CNTNAP3: variants seen among roughly 807,000 people sequenced by gnomAD.
The protein encoded by CNTNAP3 is contactin associated protein family member 3.
In CNTNAP3, 36 loss-of-function variants were observed where a neutral mutation model predicts 92.1. The ratio of observed to expected loss-of-function variants is 0.39; its 90% CI spans 0.30 to 0.52. CNTNAP3 has a LOEUF of 0.52. Among genes scored for constraint, CNTNAP3 ranks in the 20% least tolerant of loss-of-function variants. The pLI is 0.76. For missense variants in CNTNAP3, 534 were observed against 1,069.6 expected, an observed-to-expected ratio of 0.50 and a Z score of 6.98; for synonymous variants, 232 against 422.3, an observed-to-expected ratio of 0.55 and a Z score of 5.53.
rs757220529 is a variant in CNTNAP3 at position 39,109,213 on chromosome 9, C to T, written c.2312G>A (p.Arg771Gln). 19 of 1,612,810 alleles carry T rather than the reference C, an allele frequency of 1.2e-5. No homozygotes were observed. Among genetic ancestry groups the T allele is most frequent in the South Asian group, 7.7e-5 (7 of 91,012 alleles). Residue 771 changes from arginine to glutamine, a missense_variant, in exon 15 of 24, where the codon CGA becomes CAA. Arg to Gln is a conservative substitution (Grantham distance 43). Transcript: ENST00000297668. ...VTQIVMTDAG[R>Q]PHSEAAYTLG... ...TGTATAAGCTGCTTCGGAATGTGGT[C>T]GGCCTGCGTCTGTCATCACAATCTG...
At chr9:39,127,797 G>A (rs946671895) in intron 13 of CNTNAP3, among the ~76,000 whole-genome samples, 3 of 151,696 alleles carry the variant, frequency 2.0e-5, no homozygotes, top group Non-Finnish European at 4.4e-5. Flanking sequence ...AAATCTCTTG[G>A]CCCAGATGGT....
chr9:39,248,580 T>A (rs151208006), intron 2 of CNTNAP3, among the ~76,000 whole-genome samples: 28,087 of 32,396 alleles, frequency 0.87, 12,885 homozygotes, highest in East Asian at 0.99. Context: ...TTGCATTTAC[T>A]TTTTTTTTTT....
At chr9:39,106,443 C>G (rs940083037) in intron 15 of CNTNAP3, 4 of 152,070 alleles carry the variant, frequency 2.6e-5, no homozygotes, top group African/African-American at 9.7e-5. Flanking sequence ...GGCCACCATG[C>G]CCAGCTAATT....
At chr9:39,088,785 T>C (rs1826126349) in intron 18 of CNTNAP3, 138 bp from the exon 19 acceptor site, 1 of 943,960 alleles carries the variant, frequency 1.1e-6, no homozygotes, top group South Asian at 1.6e-5. Context: ...CCTGTTTTTT[T>C]ATTTTTCACT....
At chr9:39,112,354 G>T (rs1045632205) in intron 14 of CNTNAP3, among the ~76,000 whole-genome samples, 1 of 151,830 alleles carries the variant, frequency 6.6e-6, no homozygotes, top group African/African-American at 2.4e-5. Context: ...GAAATGTTAA[G>T]TCAACTTTTT....
At chr9:39,112,852 CACTTT>C in intron 14 of CNTNAP3, among the ~76,000 whole-genome samples, 1 of 152,244 alleles carries the variant, frequency 6.6e-6, no homozygotes. Flanking sequence ...CTAGTTTCTT[CACTTT>C]ATTTTTCATC....
chr9:39,131,724 G>A lies in CNTNAP3; in HGVS notation c.2080+1208C>T, dbSNP rs556980874. ...GCCTGTATTCTCAGCTATTCGGGAG[G>A]CTGAGGCAGGAGAATCGCTTGAATC... On this transcript the variant is annotated intron_variant, in intron 13 of 23. Transcript: ENST00000297668. Among the ~76,000 whole-genome samples, 5 of 152,298 alleles carry A rather than the reference G, an allele frequency of 3.3e-5. No individual in the cohort carries two copies. The South Asian group carries it at 1.0e-3, about 32-fold the overall frequency.
chr9:39,134,233 T>A (rs750840326), intron 12 of CNTNAP3, among the ~76,000 whole-genome samples: 1 of 152,046 alleles, frequency 6.6e-6, no homozygotes, highest in Non-Finnish European at 1.5e-5. Flanking sequence ...AGAGGAAAGG[T>A]GTGATATCCA....
intron 19 of CNTNAP3, among the ~76,000 whole-genome samples, chr9:39,087,735 C>T (rs781149379): frequency 4.6e-5 from 7 of 152,164 alleles, no homozygotes; most frequent in Non-Finnish European, 7.4e-5. Flanking sequence ...ATCCGCCTGC[C>T]TTGGCCTCCC....
rs1362587603 is a variant in CNTNAP3, at chr9:39,066,935, A to AT, written c.*6954dup. 5.2e-3 allele frequency among the ~76,000 whole-genome samples: 784 copies of AT among 151,994 alleles called. 1 individual carries two copies. Among genetic ancestry groups the AT allele is most frequent in the African/African-American group, 0.018 (731 of 41,406 alleles). ...TGCTTATGTATTAATTTTTAAAAAT[A>AT]TTTTTTTCTATCCATCCACTCTCTT... On this transcript the variant is annotated 3_prime_UTR_variant, in exon 24 of 24. Transcript: ENST00000297668.
At chr9:39,125,075 A>G (rs1821124715) in intron 13 of CNTNAP3, among the ~76,000 whole-genome samples, 1 of 152,146 alleles carries the variant, frequency 6.6e-6, no homozygotes, top group Non-Finnish European at 1.5e-5. Flanking sequence ...TTACTGAGGC[A>G]GTATTCACAA....
intron 21 of CNTNAP3, among the ~76,000 whole-genome samples, 164 bp from the exon 22 acceptor site, chr9:39,079,084 C>T (rs1209022870): frequency 6.6e-6 from 1 of 152,128 alleles, no homozygotes; most frequent in Non-Finnish European, 1.5e-5. Context: ...GAATCTTTAC[C>T]TGTCTGGCAA....
Position 39,066,935 on chromosome 9 carries a change from A to G in CNTNAP3, c.*6955T>C, listed in dbSNP as rs1299924323. Among the ~76,000 whole-genome samples, 1 of 151,960 alleles carries G rather than the reference A, an allele frequency of 6.6e-6. No homozygotes were observed. The highest frequency in any genetic ancestry group is 1.5e-5 in the Non-Finnish European group (1 of 68,012). ...TGCTTATGTATTAATTTTTAAAAAT[A>G]TTTTTTTCTATCCATCCACTCTCTT... On this transcript the variant is annotated 3_prime_UTR_variant, in exon 24 of 24. Transcript: ENST00000297668.
At chr9:39,146,612 C>G (rs1821706467) in intron 10 of CNTNAP3, among the ~76,000 whole-genome samples, 1 of 152,144 alleles carries the variant, frequency 6.6e-6, no homozygotes, top group South Asian at 2.1e-4. Context: ...TGGCATGAAC[C>G]CAGGAGGCGG....
In CNTNAP3 at chr9:39,148,920, A is replaced by T. The variant is rs569542508; in HGVS notation, c.1649+886T>A. On this transcript the variant is annotated intron_variant, in intron 10 of 23. Coordinates refer to ENST00000297668, the MANE Select transcript of CNTNAP3 (RefSeq NM_033655.5). ...AGGGCAAACTGTATGTAGAAATATT[A>T]TTTTTCCAGGTGTGACCCTATGATT... Among the ~76,000 whole-genome samples, 158 of 152,224 alleles carry T rather than the reference A, an allele frequency of 1.0e-3. 1 individual carries two copies. Among genetic ancestry groups the T allele is most frequent in the Non-Finnish European group, 1.8e-3 (122 of 67,998 alleles).
chr9:39,134,553 T>C (rs1013804996), intron 12 of CNTNAP3, among the ~76,000 whole-genome samples: 4 of 152,096 alleles, frequency 2.6e-5, no homozygotes, highest in African/African-American at 7.2e-5. Context: ...GCCTCCCAAG[T>C]AGCTGGGACT....
intron 13 of CNTNAP3, among the ~76,000 whole-genome samples, chr9:39,122,110 T>G (rs1821039493): frequency 6.6e-6 from 1 of 152,070 alleles, no homozygotes; most frequent in African/African-American, 2.4e-5. Flanking sequence ...ATCCCAGCAC[T>G]TTGGGAGGCC....
intron 12 of CNTNAP3, among the ~76,000 whole-genome samples, chr9:39,137,644 C>T (rs1361231569): frequency 7.3e-5 from 11 of 151,644 alleles, no homozygotes; most frequent in Admixed American, 2.0e-4. Context: ...TCCCGAGTAG[C>T]TGGGACTACA....
intron 21 of CNTNAP3, chr9:39,085,313 T>C (rs1169717975): frequency 2.8e-5 from 5 of 176,838 alleles, no homozygotes; most frequent in Non-Finnish European, 5.9e-5. Context: ...ACTGTATTCA[T>C]CTGCTGTAAT....
Sources: allele counts gnomAD v4.1 joint callset (sites outside exome capture counted in the v4.1 genomes callset), GRCh38; gene constraint gnomAD v4.1.1; transcripts MANE v1.5; gene names NCBI Gene and HGNC (gene_info 2026-07-23, HGNC 2026-07-21).